Variants in AJAP1 observed in about 807,000 individuals in gnomAD.
AJAP1 encodes adherens junction-associated protein 1.
AJAP1 carries 5 observed loss-of-function variants against 35.0 expected under a neutral mutation model. The ratio of observed to expected loss-of-function variants is 0.14; its 90% CI spans 0.07 to 0.30. The LOEUF (loss-of-function observed/expected upper bound fraction) is 0.30. AJAP1 is among the 10% of genes least tolerant of loss of function. AJAP1 has a pLI of 1.00. For synonymous variants in AJAP1, 284 were observed against 249.3 expected, an observed-to-expected ratio of 1.14 and a Z score of -1.31; for missense variants, 586 against 571.0, an observed-to-expected ratio of 1.03 and a Z score of -0.27.
chr1:4,697,561 C>G (rs1372485458), intron 1 of AJAP1, among the ~76,000 whole-genome samples: 1 of 152,234 alleles, frequency 6.6e-6, no homozygotes, highest in Non-Finnish European at 1.5e-5. Context: ...GGACTTGCTC[C>G]CCTTCCTCTG....
chr1:4,752,274 G>T (rs990489704), intron 2 of AJAP1, among the ~76,000 whole-genome samples: 9 of 151,966 alleles, frequency 5.9e-5, no homozygotes, highest in Non-Finnish European at 1.2e-4. Context: ...AACAAGGAAA[G>T]AAACAGTTGT....
At chr1:4,665,104 C>G (rs145512900) in intron 1 of AJAP1, among the ~76,000 whole-genome samples, 1 of 151,972 alleles carries the variant, frequency 6.6e-6, no homozygotes, top group African/African-American at 2.4e-5. Context: ...GCCCCCACCC[C>G]CCTCTTTTTT....
intron 1 of AJAP1, among the ~76,000 whole-genome samples, chr1:4,694,432 A>G (rs1198046583): frequency 2.6e-5 from 4 of 152,178 alleles, no homozygotes; most frequent in African/African-American, 9.7e-5. Flanking sequence ...CAGTCTCTCA[A>G]CAAACATCTT....
At position 4,711,990 on chromosome 1, in the gene AJAP1, C is replaced by A. The variant is rs148753165; in HGVS notation, c.120C>A (p.Ala40=). The part of the protein sequence containing the change: ...AMFQLAVDLP[A]CEALGPGPEF... ...TTCAGCTCGCCGTGGACCTGCCCGC[C>A]TGTGAGGCCCTGGGCCCGGGGCCGG... Residue 40 remains alanine (A), a synonymous_variant, in exon 2 of 6, where the codon GCC becomes GCA. Transcript: ENST00000378191. The A allele has an allele frequency of 1.8e-3, 2,896 of 1,593,696 alleles. 37 individuals carry two copies. The South Asian group carries it at 0.02, about 11-fold the overall frequency.
chr1:4,763,818 C>T lies in AJAP1; in HGVS notation c.830-6035C>T, dbSNP rs1213975025. On this transcript the variant is annotated intron_variant, in intron 2 of 5. Transcript: ENST00000378191. ...TCTCTCCCTGCCTTTCTCCCTCTCC[C>T]CCTCCCCCTCTCTCCTCTTTGTCTC... is the stretch of plus-strand genomic sequence containing the variant. Among the ~76,000 whole-genome samples, 11 of 146,212 alleles carry T rather than the reference C, an allele frequency of 7.5e-5. No individual in the cohort carries two copies. In the East Asian group the frequency reaches 2.2e-3, roughly 30 times the overall value.
At position 4,734,051 on chromosome 1, in the gene AJAP1, C is replaced by G. The variant is rs746037376; in HGVS notation, c.829+21352C>G. ...GCGGCTTTTGTAAGCGATCACGTAC[C>G]GAGTATTGACTTGGCTCAGCCCAGG... On this transcript the variant is annotated intron_variant, in intron 2 of 5. Coordinates refer to ENST00000378191, the MANE Select transcript of AJAP1 (RefSeq NM_018836.4). The surrounding 1 kb of genome is among the most constrained non-coding windows in gnomAD (Gnocchi z 4.3). 3.3e-5 allele frequency among the ~76,000 whole-genome samples: 5 copies of G among 152,100 alleles called. No homozygotes were observed. Among genetic ancestry groups the G allele is most frequent in the Non-Finnish European group, 7.4e-5 (5 of 68,022 alleles).
At chr1:4,737,901 C>CA (rs1208226632) in intron 2 of AJAP1, among the ~76,000 whole-genome samples, 2 of 152,042 alleles carry the variant, frequency 1.3e-5, no homozygotes, top group East Asian at 1.9e-4. Flanking sequence ...GACCCTCTTT[C>CA]AAAAAAACCA....
intron 1 of AJAP1, among the ~76,000 whole-genome samples, chr1:4,705,665 G>A (rs1309208831): frequency 1.3e-5 from 2 of 151,840 alleles, no homozygotes; most frequent in Non-Finnish European, 2.9e-5. Context: ...CAGAAGGCCG[G>A]TCTCATCACG....
At chr1:4,771,923 C>A (rs1641843553) in intron 3 of AJAP1, among the ~76,000 whole-genome samples, 1 of 152,102 alleles carries the variant, frequency 6.6e-6, no homozygotes. Context: ...GGACCCACCA[C>A]AGCTTTTATC....
Position 4,663,038 on chromosome 1 carries a change from G to A in AJAP1, c.29+7584G>A, listed in dbSNP as rs182932884. Among the ~76,000 whole-genome samples, 267 of 152,282 alleles carry A rather than the reference G, an allele frequency of 1.8e-3. 2 individuals carry two copies. Among genetic ancestry groups the A allele is most frequent in the Admixed American group, 4.5e-3 (69 of 15,300 alleles). ...TCCAGGGAATGTAAGGGAGGCAGCC[G>A]TGCCTCCCCCTTCCCAGGGGGGCAG... On this transcript the variant is annotated intron_variant, in intron 1 of 5. Transcript: ENST00000378191.
chr1:4,665,436 C>T (rs11588149), intron 1 of AJAP1, among the ~76,000 whole-genome samples: 12,333 of 152,166 alleles, frequency 0.081, 731 homozygotes, highest in Admixed American at 0.18. Context: ...TTTGAACACT[C>T]ACAGCTCCAG....
intron 2 of AJAP1, among the ~76,000 whole-genome samples, chr1:4,738,895 T>A (rs992085709): frequency 7.2e-5 from 11 of 151,770 alleles, no homozygotes; most frequent in Non-Finnish European, 1.5e-5. Flanking sequence ...AGAGAACCGC[T>A]GGAAGACCTG....
At chr1:4,664,728 A>G (rs879433685) in intron 1 of AJAP1, among the ~76,000 whole-genome samples, 3 of 152,106 alleles carry the variant, frequency 2.0e-5, no homozygotes, top group African/African-American at 7.2e-5. Flanking sequence ...GAATGACTCA[A>G]TGACAGAGTC....
At chr1:4,667,411 C>G (rs1465392886) in intron 1 of AJAP1, among the ~76,000 whole-genome samples, 2 of 152,182 alleles carry the variant, frequency 1.3e-5, no homozygotes, top group Non-Finnish European at 2.9e-5. Flanking sequence ...ACAGCAGTCC[C>G]CAACCTTTTT....
intron 2 of AJAP1, among the ~76,000 whole-genome samples, chr1:4,731,166 C>T (rs1416724795): frequency 1.3e-5 from 2 of 152,132 alleles, no homozygotes; most frequent in Admixed American, 6.5e-5. Context: ...CTGCAACCTC[C>T]GCCTTCCGGG....
rs1307262135 is a variant in AJAP1 at position 4,656,562 on chromosome 1, G to T, written c.29+1108G>T. On this transcript the variant is annotated intron_variant, in intron 1 of 5. Coordinates refer to ENST00000378191, the MANE Select transcript of AJAP1 (RefSeq NM_018836.4). The surrounding 1 kb of genome is among the most constrained non-coding windows in gnomAD (Gnocchi z 5.7). ...ACTCAGGGATGAAGCTGCGGGGGGAGTGAGGCGAAGGGAGGGAGGATCTAG... is the reference window on the plus strand; with the variant it reads ...ACTCAGGGATGAAGCTGCGGGGGGATTGAGGCGAAGGGAGGGAGGATCTAG... Among the ~76,000 whole-genome samples the T allele has an allele frequency of 6.6e-6, 1 of 152,220 alleles. No individual in the cohort carries two copies. Among genetic ancestry groups the T allele is most frequent in the Non-Finnish European group, 1.5e-5 (1 of 68,042 alleles).
rs112369095 is a variant in AJAP1, at chr1:4,791,888, C to CT, written c.*9403_*9404insT. On this transcript the variant is annotated 3_prime_UTR_variant, in exon 6 of 6. Transcript: ENST00000378191. ...ATTTAAAGATGGAGCCCATTGTCCCCCCTCCTCCTCAGCTCACCCATGGAA... is the reference window on the plus strand; with the variant it reads ...ATTTAAAGATGGAGCCCATTGTCCCCTCCTCCTCCTCAGCTCACCCATGGAA... 49,009 of 151,912 alleles carry CT rather than the reference C, an allele frequency of 0.32. 8,632 individuals carry two copies. Among genetic ancestry groups the CT allele is most frequent in the African/African-American group, 0.42 (17,526 of 41,378 alleles). 9.4% of individuals were successfully genotyped at this position (151,912 alleles called of 1,614,324 possible). A position where few individuals can be genotyped will look rare whatever the true frequency, so the allele number is the denominator to read the frequency against.
intron 2 of AJAP1, among the ~76,000 whole-genome samples, chr1:4,718,576 G>A (rs1483846410): frequency 1.3e-5 from 2 of 151,616 alleles, no homozygotes; most frequent in Admixed American, 6.6e-5. Flanking sequence ...TCTGCCTCTC[G>A]GGTTCAAGCA....
At chr1:4,730,119 A>G (rs1051637451) in intron 2 of AJAP1, among the ~76,000 whole-genome samples, 1 of 152,208 alleles carries the variant, frequency 6.6e-6, no homozygotes, top group Non-Finnish European at 1.5e-5. Context: ...TCTGCCGGAT[A>G]TGTCGGTATT....
Sources: gnomAD v4.1 joint callset for allele counts (sites outside exome capture counted in the v4.1 genomes callset) on GRCh38, gnomAD v4.1.1 for gene constraint, Gnocchi (gnomAD v3.1) non-coding constraint, MANE v1.5 for transcripts, NCBI Gene and HGNC (gene_info 2026-07-23, HGNC 2026-07-21) for gene names.